Variants in SLC26A5 observed in about 807,000 individuals in gnomAD.
SLC26A5 encodes the protein prestin.
In SLC26A5, 51 loss-of-function variants were observed where a neutral mutation model predicts 81.0. The ratio of observed to expected loss-of-function variants is 0.63; its 90% CI spans 0.50 to 0.80. SLC26A5 has a LOEUF of 0.80. Among genes scored for constraint, SLC26A5 ranks in the 30% least tolerant of loss-of-function variants. The probability of loss-of-function intolerance (pLI) is 0.00; values close to 1 mark genes in which losing one functional copy is unlikely to be tolerated. For missense variants in SLC26A5, 771 were observed against 905.8 expected, an observed-to-expected ratio of 0.85 and a Z score of 1.91; for synonymous variants, 325 against 332.8, an observed-to-expected ratio of 0.98 and a Z score of 0.25.
chr7:103,414,884 G>A (rs940838627), intron 4 of SLC26A5, among the ~76,000 whole-genome samples: 2 of 152,152 alleles, frequency 1.3e-5, no homozygotes, highest in Non-Finnish European at 2.9e-5. Context: ...ACTACAGGTG[G>A]AGGGGAAATG....
Position 103,420,770 on chromosome 7 carries a change from C to T in SLC26A5, c.260G>A (p.Gly87Asp), listed in dbSNP as rs781477474. Reference protein sequence around the residue: ...KEYVLGDLVSGISTGVLQLPQ... With the variant: ...KEYVLGDLVSDISTGVLQLPQ... ...AAGCTGAAGCACCCCTGTGCTTATG[C>T]CTGAGACCAAGTCACCCAACACATA... The change falls in exon 4 of 20, where the codon GGC becomes GAC. Residue 87 changes from glycine (G) to aspartate (D), a missense_variant. By Grantham distance (94) the Gly-to-Asp change is moderately conservative (BLOSUM62 -1). Coordinates refer to ENST00000306312, the MANE Select transcript of SLC26A5 (RefSeq NM_198999.3). 1 of 1,614,092 alleles carries T rather than the reference C, an allele frequency of 6.2e-7. No homozygotes were observed. The highest frequency in any genetic ancestry group is 2.2e-5 in the East Asian group (1 of 44,880).
At chr7:103,410,052 T>A (rs1404483248) in intron 7 of SLC26A5, among the ~76,000 whole-genome samples, 1 of 152,200 alleles carries the variant, frequency 6.6e-6, no homozygotes, top group Non-Finnish European at 1.5e-5. Flanking sequence ...TTCATGCCTT[T>A]AAATTATTTG....
chr7:103,393,287 G>A (rs766196796), intron 9 of SLC26A5, among the ~76,000 whole-genome samples: 3 of 152,124 alleles, frequency 2.0e-5, no homozygotes, highest in Non-Finnish European at 4.4e-5. Flanking sequence ...ACCTGGATGG[G>A]TTATCAGAAG....
At position 103,411,554 on chromosome 7, in the gene SLC26A5, C is replaced by T. The variant is rs1468821577; in HGVS notation, c.436G>A (p.Gly146Ser). The part of the protein sequence containing the change: ...PFAVISLMIG[G>S]VAVRLVPDDI... ...TCTGGTACTAATCGAACAGCTACAC[C>T]ACCAATCATCAGGCTAATAACAGCA... The change falls in exon 6 of 20, where the codon GGT (glycine) becomes AGT (serine). Residue 146 changes from glycine to serine, a missense_variant. Gly to Ser is a moderately conservative substitution (Grantham distance 56, BLOSUM62 0). Coordinates refer to ENST00000306312, the MANE Select transcript of SLC26A5 (RefSeq NM_198999.3). The T allele has an allele frequency of 1.2e-6, 2 of 1,614,044 alleles. No homozygotes were observed. The highest frequency in any genetic ancestry group is 3.3e-5 in the Admixed American group (2 of 60,000).
intron 9 of SLC26A5, among the ~76,000 whole-genome samples, chr7:103,394,737 T>C (rs924174534): frequency 1.3e-5 from 2 of 152,190 alleles, no homozygotes; most frequent in Non-Finnish European, 1.5e-5. Context: ...ATTCCTCCCA[T>C]ACTTGTATGT....
In SLC26A5 at chr7:103,397,985, C is replaced by A; in HGVS notation, c.918G>T (p.Gly306=). ...CATTGTATGATTCTTTCAAGTTAAA[C>A]CCAGCTGAAATGCCAGTTCCCATTA... The part of the protein sequence containing the change: ...AVVMGTGISA[G]FNLKESYNVD... Residue 306 remains glycine, a synonymous_variant, in exon 9 of 20, where the codon GGG becomes GGT. Coordinates refer to ENST00000306312, the MANE Select transcript of SLC26A5 (RefSeq NM_198999.3). The A allele has an allele frequency of 6.2e-7, 1 of 1,614,064 alleles. No individual in the cohort carries two copies. The highest frequency in any genetic ancestry group is 8.5e-7 in the Non-Finnish European group (1 of 1,180,000).
At chr7:103,415,418 C>T (rs1414150705) in intron 4 of SLC26A5, among the ~76,000 whole-genome samples, 3 of 152,102 alleles carry the variant, frequency 2.0e-5, no homozygotes, top group African/African-American at 4.8e-5. Flanking sequence ...CAAAGGAGAG[C>T]GCTCCCCCAC....
In SLC26A5 at chr7:103,421,010, T is replaced by C. The variant is rs970131659; in HGVS notation, c.153-133A>G. 159 of 966,894 alleles carry C rather than the reference T, an allele frequency of 1.6e-4. No individual in the cohort carries two copies. The East Asian group carries it at 2.7e-3, about 16-fold the overall frequency. The allele number at this position is 966,894 out of a possible 1,614,324, so 59.9% of individuals were successfully genotyped here. ...ATTTCCAATTGGTGATTCAAGATGT[T>C]GCCAAACAGGGTAGGAGTCAGGGAT... is the stretch of plus-strand genomic sequence containing the variant. On this transcript the variant is annotated intron_variant, in intron 3 of 19. Transcript: ENST00000306312.
chr7:103,408,688 T>C (rs1376984963), intron 7 of SLC26A5, among the ~76,000 whole-genome samples: 2 of 152,316 alleles, frequency 1.3e-5, no homozygotes, highest in Non-Finnish European at 2.9e-5. Context: ...TGAAAAGCTT[T>C]TAGGAGCTCA....
At chr7:103,355,619 G>A in intron 19 of SLC26A5, 1 of 1,089,202 alleles carries the variant, frequency 9.2e-7, no homozygotes, top group South Asian at 1.3e-5. Flanking sequence ...AATATCAGTA[G>A]TGCTGAGGTT....
At chr7:103,362,532 A>G in intron 19 of SLC26A5, 1 of 1,404,236 alleles carries the variant, frequency 7.1e-7, no homozygotes, top group Non-Finnish European at 9.4e-7. Flanking sequence ...TAGTATCCTC[A>G]GATTTCATGC....
intron 19 of SLC26A5, chr7:103,355,881 T>A: frequency 1.1e-6 from 1 of 877,610 alleles, no homozygotes; most frequent in Non-Finnish European, 1.7e-6. Context: ...CAATAGTTCA[T>A]AAATAATTTT....
At chr7:103,362,606 T>A in intron 19 of SLC26A5, 3 of 1,480,586 alleles carry the variant, frequency 2.0e-6, no homozygotes, top group Non-Finnish European at 2.8e-6. Flanking sequence ...AAAGTATGGT[T>A]TTGGGGATAA....
Position 103,377,740 on chromosome 7 carries a change from T to C in SLC26A5, c.1845A>G (p.Lys615=). 6.2e-7 allele frequency: 1 copy of C among 1,614,106 alleles called. No homozygotes were observed. Among genetic ancestry groups the C allele is most frequent in the Non-Finnish European group, 8.5e-7 (1 of 1,180,008 alleles). ...TKPEEEDGEV[K]YPPIVIKSTF... ...TGCTTTTGATCACTATTGGGGGATA[T>C]TTTACTTCACCATCCTCTTCTTCAG... is the stretch of plus-strand genomic sequence containing the variant. The change falls in exon 18 of 20, where the codon AAA becomes AAG. Residue 615 remains lysine (K), a synonymous_variant. Coordinates refer to ENST00000306312, the MANE Select transcript of SLC26A5 (RefSeq NM_198999.3).
chr7:103,405,466 T>G lies in SLC26A5; in HGVS notation c.888+2385A>C, dbSNP rs193203591. On this transcript the variant is annotated intron_variant, in intron 8 of 19. Transcript: ENST00000306312. ...CCTCTGCTACAGGTGTGCTGGAGTT[T>G]GCTGACGTCCATTCCAGACCCTGTT... Among the ~76,000 whole-genome samples, 331 of 152,330 alleles carry G rather than the reference T, an allele frequency of 2.2e-3. 2 individuals are homozygous for G. The highest frequency in any genetic ancestry group is 2.3e-3 in the Non-Finnish European group (157 of 68,024).
intron 19 of SLC26A5, among the ~76,000 whole-genome samples, chr7:103,359,867 G>T (rs964013680): frequency 6.6e-6 from 1 of 152,050 alleles, no homozygotes; most frequent in Non-Finnish European, 1.5e-5. Flanking sequence ...ATCACTTGAG[G>T]TTGGGAGTTT....
chr7:103,378,316 A>G, intron 17 of SLC26A5, 130 bp downstream of exon 17: 2 of 840,570 alleles, frequency 2.4e-6, no homozygotes, highest in Non-Finnish European at 4.1e-6. Flanking sequence ...AATATAGAGG[A>G]TACTAAGGTG....
In SLC26A5 at chr7:103,421,259, A is replaced by T. The variant is rs1023230598; in HGVS notation, c.152+104T>A. The T allele has an allele frequency of 2.3e-6, 3 of 1,318,592 alleles. No homozygotes were observed. The African/African-American group carries it at 4.4e-5, about 19-fold the overall frequency. The allele number at this position is 1,318,592 out of a possible 1,614,324, so 81.7% of individuals were successfully genotyped here. A position where few individuals can be genotyped will look rare whatever the true frequency, so the allele number is the denominator to read the frequency against. On this transcript the variant is annotated intron_variant, in intron 3 of 19. Coordinates refer to ENST00000306312, the MANE Select transcript of SLC26A5 (RefSeq NM_198999.3). ...TGCAAACCATGATGGCTCAGCATTC[A>T]TTTTTCTCTCCACTTCACCAAACAG...
intron 19 of SLC26A5, among the ~76,000 whole-genome samples, chr7:103,359,573 A>G (rs1021496008): frequency 2.0e-5 from 3 of 152,166 alleles, no homozygotes; most frequent in African/African-American, 7.2e-5. Context: ...TATCATCTAA[A>G]TGGAATCATA....
Sources: gnomAD v4.1 joint callset for allele counts (sites outside exome capture counted in the v4.1 genomes callset) on GRCh38, gnomAD v4.1.1 for gene constraint, MANE v1.5 for transcripts, NCBI Gene and HGNC (gene_info 2026-07-23, HGNC 2026-07-21) for gene names.